The following HTR2C variants were observed in gnomAD, a reference collection of about 807,000 sequenced individuals.
HTR2C encodes 5-hydroxytryptamine (serotonin) receptor 2C, G protein-coupled.
A neutral mutation model predicts 21.0 loss-of-function variants in HTR2C; 5 were observed. The observed-to-expected ratio is 0.24, with a 90% CI of 0.12 to 0.50. The LOEUF (loss-of-function observed/expected upper bound fraction) is 0.50. HTR2C is among the 20% of genes least tolerant of loss of function. The pLI is 0.98. For missense variants in HTR2C, 271 were observed against 371.2 expected (o/e 0.73, Z 2.22); for synonymous variants, 150 against 145.3 (o/e 1.03, Z -0.23).
chrX:114,842,599 G>A (rs1485888442), intron 4 of HTR2C, among the ~76,000 whole-genome samples: 2 of 111,831 alleles, frequency 1.8e-5, no homozygotes, highest in East Asian at 2.8e-4. Context: ...TACACATGGC[G>A]TGCCTAAGGA....
intron 2 of HTR2C, among the ~76,000 whole-genome samples, chrX:114,660,112 G>A (rs1443719074): frequency 9.0e-6 from 1 of 111,406 alleles, no homozygotes; most frequent in Non-Finnish European, 1.9e-5. Context: ...ACCACATGTC[G>A]GTATCTTTAA....
chrX:114,862,951 A>T (rs1409689957), intron 5 of HTR2C, among the ~76,000 whole-genome samples: 1 of 111,011 alleles, frequency 9.0e-6, no homozygotes. Flanking sequence ...AACCTGTCTT[A>T]CTATGCCTGG....
intron 5 of HTR2C, among the ~76,000 whole-genome samples, chrX:114,854,512 C>T (rs782593993): frequency 8.2e-5 from 9 of 110,410 alleles, no homozygotes; most frequent in East Asian, 5.7e-4. Context: ...AACCATGACT[C>T]GGTAACGTAC....
chrX:114,798,170 G>A (rs1352953269), intron 4 of HTR2C, among the ~76,000 whole-genome samples: 2 of 111,235 alleles, frequency 1.8e-5, no homozygotes, highest in African/African-American at 3.3e-5. Context: ...AGAACTAGAA[G>A]AGACCTTAAA....
At chrX:114,728,460 G>T (rs1366789841) in intron 3 of HTR2C, among the ~76,000 whole-genome samples, 2 of 110,659 alleles carry the variant, frequency 1.8e-5, no homozygotes, top group African/African-American at 6.5e-5. Flanking sequence ...CAAAACTGAA[G>T]AATAAAGGAT....
intron 4 of HTR2C, among the ~76,000 whole-genome samples, chrX:114,806,088 CCA>C (rs1556449273): frequency 5.0e-5 from 5 of 99,753 alleles, no homozygotes; most frequent in East Asian, 3.2e-4. Context: ...CATATATATA[CCA>C]CATATATACA....
intron 5 of HTR2C, among the ~76,000 whole-genome samples, chrX:114,895,749 A>G (rs1043240792): frequency 1.9e-4 from 21 of 111,496 alleles, no homozygotes; most frequent in Non-Finnish European, 3.8e-4. Flanking sequence ...GCACTTTGGG[A>G]GGCTGAGGCG....
chrX:114,745,822 G>C (rs1295160368), intron 4 of HTR2C, among the ~76,000 whole-genome samples: 1 of 111,448 alleles, frequency 9.0e-6, no homozygotes, highest in Admixed American at 9.6e-5. Context: ...TAGTGGGGGG[G>C]GATGGGTGGT....
chrX:114,666,793 G>A (rs1233049567), intron 2 of HTR2C, among the ~76,000 whole-genome samples: 1 of 111,232 alleles, frequency 9.0e-6, no homozygotes, highest in African/African-American at 3.3e-5. Flanking sequence ...TCAATAAATA[G>A]CAATATTGGA....
chrX:114,588,215 A>G (rs1338575538), intron 1 of HTR2C, among the ~76,000 whole-genome samples: 1 of 111,946 alleles, frequency 8.9e-6, no homozygotes, highest in Non-Finnish European at 1.9e-5. Context: ...GTCTAATTTG[A>G]GAAGCACTCG....
chrX:114,828,151 T>G (rs1982237745), intron 4 of HTR2C, among the ~76,000 whole-genome samples: 1 of 111,596 alleles, frequency 9.0e-6, no homozygotes, highest in Non-Finnish European at 1.9e-5. Context: ...TTCACACTGT[T>G]GTTCAGATTA....
Position 114,907,292 on chromosome X carries a change from T to C in HTR2C, c.1254T>C (p.His418=). ...AGCTTAATGTTAACATTTATCGGCA[T>C]ACCAATGAACCGGTGATCGAGAAAG... ...GRELNVNIYR[H]TNEPVIEKAS... Residue 418 remains histidine (H), a synonymous_variant, in exon 6 of 6, where the codon CAT becomes CAC. Transcript: ENST00000276198. 8.3e-7 allele frequency: 1 copy of C among 1,210,778 alleles called. No homozygotes were observed. The highest frequency in any genetic ancestry group is 1.1e-6 in the Non-Finnish European group (1 of 894,730).
At position 114,907,596 on chromosome X, in the gene HTR2C, T is replaced by C; in HGVS notation, c.*181T>C. 1 of 380,290 alleles carries C rather than the reference T, an allele frequency of 2.6e-6. No individual in the cohort carries two copies. The highest frequency in any genetic ancestry group is 4.6e-6 in the Non-Finnish European group (1 of 219,318). 31.3% of individuals were successfully genotyped at this position (380,290 alleles called of 1,213,427 possible). Reference sequence around the variant, plus strand: ...TACATTAGTGAGATTTAGGGTTCTATATTTACTGTTTATAATAGGTGGAGA... The same window carrying C: ...TACATTAGTGAGATTTAGGGTTCTACATTTACTGTTTATAATAGGTGGAGA... On this transcript the variant is annotated 3_prime_UTR_variant, in exon 6 of 6. Transcript: ENST00000276198.
intron 4 of HTR2C, among the ~76,000 whole-genome samples, chrX:114,752,882 T>A (rs2069774514): frequency 9.4e-6 from 1 of 106,830 alleles, no homozygotes; most frequent in African/African-American, 3.4e-5. Flanking sequence ...TAGGCTCATC[T>A]AAAAAAAAAA....
intron 2 of HTR2C, among the ~76,000 whole-genome samples, chrX:114,641,823 C>T (rs1267119670): frequency 9.0e-6 from 1 of 110,783 alleles, no homozygotes; most frequent in Admixed American, 9.6e-5. Context: ...TTTGCTGCAC[C>T]TATCACCCCA....
intron 4 of HTR2C, among the ~76,000 whole-genome samples, chrX:114,748,680 A>G (rs1052994419): frequency 9.8e-5 from 11 of 112,404 alleles, no homozygotes; most frequent in Admixed American, 9.4e-4. Flanking sequence ...TTGGAAATCC[A>G]CATTCAGAAA....
At position 114,661,154 on chromosome X, in the gene HTR2C, T is replaced by C. The variant is rs1195786506; in HGVS notation, c.-80+47273T>C. On this transcript the variant is annotated intron_variant, in intron 2 of 5. Coordinates refer to ENST00000276198, the MANE Select transcript of HTR2C (RefSeq NM_000868.4). ...TTCGGAAGTAGAGTGATGCATTATC[T>C]GGTTTGAGTGGAAAAGTTGGCCGGG... Among the ~76,000 whole-genome samples the C allele has an allele frequency of 2.8e-4, 31 of 111,879 alleles. No individual in the cohort carries two copies. The Admixed American group carries it at 2.8e-3, about 10-fold the overall frequency.
intron 5 of HTR2C, among the ~76,000 whole-genome samples, chrX:114,878,846 G>A (rs1400069083): frequency 2.1e-5 from 2 of 97,545 alleles, no homozygotes; most frequent in African/African-American, 7.1e-5. Flanking sequence ...GGAACAGATG[G>A]TATATGATTT....
chrX:114,703,360 C>A (rs1278282487), intron 2 of HTR2C, among the ~76,000 whole-genome samples: 1 of 110,902 alleles, frequency 9.0e-6, no homozygotes, highest in African/African-American at 3.3e-5. Context: ...AACAAACTGT[C>A]TCTCAGACCA....
Sources: gnomAD v4.1 joint callset for allele counts (sites outside exome capture counted in the v4.1 genomes callset) on GRCh38, gnomAD v4.1.1 for gene constraint, MANE v1.5 for transcripts, NCBI Gene and HGNC (gene_info 2026-07-23, HGNC 2026-07-21) for gene names.